The following PXN variants were observed in gnomAD, a reference collection of about 807,000 sequenced individuals.
The protein encoded by PXN is paxillin.
In PXN, 61 loss-of-function variants were observed where a neutral mutation model predicts 103.6. That is an observed-to-expected ratio of 0.59 (90% CI 0.48 to 0.73). PXN has a LOEUF of 0.73. Among genes scored for constraint, PXN ranks in the 30% least tolerant of loss-of-function variants. The probability of loss-of-function intolerance (pLI) is 0.00; values close to 1 mark genes in which losing one functional copy is unlikely to be tolerated. For missense variants in PXN, 1,274 were observed against 1,460.3 expected, an observed-to-expected ratio of 0.87 and a Z score of 2.08; for synonymous variants, 562 against 607.8, an observed-to-expected ratio of 0.92 and a Z score of 1.11.
intron 1 of PXN, among the ~76,000 whole-genome samples, chr12:120,263,836 G>C (rs925798740): frequency 6.6e-6 from 1 of 152,014 alleles, no homozygotes; most frequent in Non-Finnish European, 1.5e-5. Context: ...TCCAGATTTC[G>C]ATGGCGAGCT....
Position 120,219,121 on chromosome 12 carries a change from G to A in PXN, c.1716+86C>T, listed in dbSNP as rs1884217501. The A allele has an allele frequency of 1.5e-6, 2 of 1,327,948 alleles. No individual in the cohort carries two copies. Among genetic ancestry groups the A allele is most frequent in the East Asian group, 5.0e-5 (2 of 39,614 alleles). The allele number at this position is 1,327,948 out of a possible 1,614,324, so 82.3% of individuals were successfully genotyped here. ...CTGCCCAAGCAGACATGCGCAGAGT[G>A]GGAGGCTGCATGCAGTTAGCGAGGA... On this transcript the variant is annotated intron_variant, in intron 7 of 14. Coordinates refer to ENST00000637617, the MANE Select transcript of PXN (RefSeq NM_001385981.1). The surrounding 1 kb of genome is among the most constrained non-coding windows in gnomAD (Gnocchi z 6.5).
Position 120,215,235 on chromosome 12 carries a change from A to C in PXN, c.2442T>G (p.Pro814=). ...GGCTCCCGGGCTTCGGGGGCCCCCC[A>C]GGGGGTGAGCTGCTCCCTGTCTTCC... is the stretch of plus-strand genomic sequence containing the variant. ...AQGKTGSSSP[P]GGPPKPGSQL... The change falls in exon 11 of 15, where the codon CCT becomes CCG. Residue 814 remains proline (P), a synonymous_variant. Transcript: ENST00000637617. This position sits in a 1 kb window ranked among gnomAD's most constrained non-coding sequence, Gnocchi z 4.9. The C allele has an allele frequency of 6.3e-7, 1 of 1,590,606 alleles. No homozygotes were observed. Among genetic ancestry groups the C allele is most frequent in the East Asian group, 2.3e-5 (1 of 43,856 alleles).
In PXN at chr12:120,220,126, G is replaced by A. The variant is rs950253295; in HGVS notation, c.832-35C>T. ...AGAGAAATGCAGAGGGGAGAGGAGA[G>A]AGAGAGATGAGGGGAGTGAGGACGG... On this transcript the variant is annotated intron_variant, in intron 6 of 14. Coordinates refer to ENST00000637617, the MANE Select transcript of PXN (RefSeq NM_001385981.1). The surrounding 1 kb of genome is among the most constrained non-coding windows in gnomAD (Gnocchi z 6.1). The A allele has an allele frequency of 1.2e-6, 1 of 853,276 alleles. No homozygotes were observed. Among genetic ancestry groups the A allele is most frequent in the Non-Finnish European group, 1.8e-6 (1 of 567,152 alleles). 52.9% of individuals were successfully genotyped at this position (853,276 alleles called of 1,614,324 possible).
At position 120,219,413 on chromosome 12, in the gene PXN, G is replaced by A. The variant is rs1395795069; in HGVS notation, c.1510C>T (p.Pro504Ser). 7 of 1,598,220 alleles carry A rather than the reference G, an allele frequency of 4.4e-6. No homozygotes were observed. The Admixed American group carries it at 8.3e-5, about 19-fold the overall frequency. Reference protein sequence around the residue: ...PEPGRLGSSSPASVTTEQLGA... With the variant: ...PEPGRLGSSSSASVTTEQLGA... ...AGCTGCTCCGTGGTAACTGAGGCAG[G>A]GGAGCTGCTTCCCAGCCTCCCTGGC... The change falls in exon 7 of 15, where the codon CCT becomes TCT. Residue 504 changes from proline (P) to serine (S), a missense_variant. By Grantham distance (74) the Pro-to-Ser change is moderately conservative (BLOSUM62 -1). Around this residue, in one of 2 missense-constraint regions of PXN, gnomAD observed 1,178 missense variants for 1,309.0 expected, o/e 0.90. Coordinates refer to ENST00000637617, the MANE Select transcript of PXN (RefSeq NM_001385981.1). The surrounding 1 kb of genome is among the most constrained non-coding windows in gnomAD (Gnocchi z 6.5).
At position 120,229,015 on chromosome 12, in the gene PXN, G is replaced by A. The variant is rs1012811561; in HGVS notation, c.14-4638C>T. 2.0e-5 allele frequency among the ~76,000 whole-genome samples: 3 copies of A among 152,186 alleles called. No individual in the cohort carries two copies. Among genetic ancestry groups the A allele is most frequent in the African/African-American group, 7.2e-5 (3 of 41,434 alleles). On this transcript the variant is annotated intron_variant, in intron 1 of 14. Coordinates refer to ENST00000637617, the MANE Select transcript of PXN (RefSeq NM_001385981.1). The surrounding 1 kb of genome is among the most constrained non-coding windows in gnomAD (Gnocchi z 4.0). The stretch of plus-strand genomic sequence containing the variant: ...GGAGCCGCTGGAGGGTTAAGGTACA[G>A]ACACCCTCAGCCCACTGCTCCGAGG...
chr12:120,225,704 G>T lies in PXN; in HGVS notation c.14-1327C>A, dbSNP rs1378968519. Among the ~76,000 whole-genome samples, 1 of 152,180 alleles carries T rather than the reference G, an allele frequency of 6.6e-6. No homozygotes were observed. The highest frequency in any genetic ancestry group is 6.5e-5 in the Admixed American group (1 of 15,280). On this transcript the variant is annotated intron_variant, in intron 1 of 14. Coordinates refer to ENST00000637617, the MANE Select transcript of PXN (RefSeq NM_001385981.1). The surrounding 1 kb of genome is among the most constrained non-coding windows in gnomAD (Gnocchi z 4.4). ...CTACCAGATGATGCCATACTTAAAG[G>T]GTTCAACTTCCTGAATGTTGGAGGC...
At position 120,241,725 on chromosome 12, in the gene PXN, A is replaced by C. The variant is rs533614015; in HGVS notation, c.14-17348T>G. Among the ~76,000 whole-genome samples, 3 of 152,314 alleles carry C rather than the reference A, an allele frequency of 2.0e-5. No individual in the cohort carries two copies. In the East Asian group the frequency reaches 5.8e-4, roughly 29 times the overall value. ...CCAGACAGAGGGGATGGGAGCTCAG[A>C]GTGCAAGTCCCAGCTTGATGGAAGA... On this transcript the variant is annotated intron_variant, in intron 1 of 14. Transcript: ENST00000637617.
At chr12:120,252,960 C>T (rs770961761) in intron 1 of PXN, among the ~76,000 whole-genome samples, 3 of 144,474 alleles carry the variant, frequency 2.1e-5, no homozygotes, top group South Asian at 2.2e-4. Flanking sequence ...GATCATGCCA[C>T]TGCACTCCAG....
At chr12:120,226,374 CA>C in intron 1 of PXN, 3 of 1,289,246 alleles carry the variant, frequency 2.3e-6, no homozygotes, top group Non-Finnish European at 3.0e-6. Context: ...GCCATCCTCA[CA>C]ACGCCACCAG....
chr12:120,265,479 C>A lies in PXN; in HGVS notation c.13+138G>T. The A allele has an allele frequency of 9.8e-7, 1 of 1,018,394 alleles. No individual in the cohort carries two copies. Among genetic ancestry groups the A allele is most frequent in the Non-Finnish European group, 1.3e-6 (1 of 761,806 alleles). 63.1% of individuals were successfully genotyped at this position (1,018,394 alleles called of 1,614,324 possible). On this transcript the variant is annotated intron_variant, in intron 1 of 14. Coordinates refer to ENST00000637617, the MANE Select transcript of PXN (RefSeq NM_001385981.1). This position sits in a 1 kb window ranked among gnomAD's most constrained non-coding sequence, Gnocchi z 5.7. The stretch of plus-strand genomic sequence containing the variant: ...GGTTAGGGATCCCAGCCCCGCGGAG[C>A]CCCGGCCGGCAGGGACAGGAGCTGA...
In PXN at chr12:120,219,830, ACCTT is replaced by A; in HGVS notation, c.1089_1092del (p.Arg364LeufsTer97). 6.3e-7 allele frequency: 1 copy of A among 1,598,314 alleles called. No individual in the cohort carries two copies. Among genetic ancestry groups the A allele is most frequent in the Non-Finnish European group, 8.5e-7 (1 of 1,179,780 alleles). On this transcript the variant is annotated frameshift_variant, in exon 7 of 15. Coordinates refer to ENST00000637617, the MANE Select transcript of PXN (RefSeq NM_001385981.1). LOFTEE classifies it high-confidence loss of function. This position sits in a 1 kb window ranked among gnomAD's most constrained non-coding sequence, Gnocchi z 6.5. ...CACAGAGAACCCTCCACAGAGGGAG[ACCTT>A]GAGTTGAAGGTGTCAGGCATCACCC...
chr12:120,245,648 T>C (rs1890952701), intron 1 of PXN, among the ~76,000 whole-genome samples: 1 of 150,962 alleles, frequency 6.6e-6, no homozygotes, highest in African/African-American at 2.4e-5. Flanking sequence ...ATTAGCCGGG[T>C]GTTGTGGCGG....
At chr12:120,231,132 G>T (rs746237686) in intron 1 of PXN, among the ~76,000 whole-genome samples, 1 of 152,296 alleles carries the variant, frequency 6.6e-6, no homozygotes, top group Middle Eastern at 3.4e-3. Flanking sequence ...ATGAGTGGGG[G>T]CCCCTCAGCG....
intron 1 of PXN, among the ~76,000 whole-genome samples, chr12:120,237,858 C>T (rs968733172): frequency 6.6e-6 from 1 of 152,184 alleles, no homozygotes; most frequent in African/African-American, 2.4e-5. Context: ...ATCCCATGCA[C>T]AGAAGCTCCA....
At position 120,265,720 on chromosome 12, in the gene PXN, C is replaced by G; in HGVS notation, c.-91G>C. 3.5e-6 allele frequency: 4 copies of G among 1,129,688 alleles called. No individual in the cohort carries two copies. The highest frequency in any genetic ancestry group is 4.4e-6 in the Non-Finnish European group (4 of 916,034). 70.0% of individuals were successfully genotyped at this position (1,129,688 alleles called of 1,614,324 possible). A position where few individuals can be genotyped will look rare whatever the true frequency, so the allele number is the denominator to read the frequency against. On this transcript the variant is annotated 5_prime_UTR_variant, in exon 1 of 15. Transcript: ENST00000637617. This position sits in a 1 kb window ranked among gnomAD's most constrained non-coding sequence, Gnocchi z 5.7. ...CCCGCAACTTTTCCGCCGCGAGCCTCGGCCCGGAACGGAACGCGCCGCCGC... is the reference window on the plus strand; with the variant it reads ...CCCGCAACTTTTCCGCCGCGAGCCTGGGCCCGGAACGGAACGCGCCGCCGC...
Position 120,224,779 on chromosome 12 carries a change from G to A in PXN, c.14-402C>T. 2.1e-6 allele frequency: 1 copy of A among 474,406 alleles called. No homozygotes were observed. Among genetic ancestry groups the A allele is most frequent in the Non-Finnish European group, 4.2e-6 (1 of 239,464 alleles). The allele number at this position is 474,406 out of a possible 1,614,324, so 29.4% of individuals were successfully genotyped here. A position where few individuals can be genotyped will look rare whatever the true frequency, so the allele number is the denominator to read the frequency against. On this transcript the variant is annotated intron_variant, in intron 1 of 14. Transcript: ENST00000637617. The surrounding 1 kb of genome is among the most constrained non-coding windows in gnomAD (Gnocchi z 5.0). Reference sequence around the variant, plus strand: ...CGGGAGGGGCCCCACGTCACAGGGAGGGGCCCTGGCTATGCCAGGCCCTCA... The same window carrying A: ...CGGGAGGGGCCCCACGTCACAGGGAAGGGCCCTGGCTATGCCAGGCCCTCA...
rs1235153821 is a variant in PXN, at chr12:120,265,289, G to A, written c.13+328C>T. On this transcript the variant is annotated intron_variant, in intron 1 of 14. Coordinates refer to ENST00000637617, the MANE Select transcript of PXN (RefSeq NM_001385981.1). This position sits in a 1 kb window ranked among gnomAD's most constrained non-coding sequence, Gnocchi z 5.7. ...GTCTGCCGCAGGAAGTCTCGTCCCT[G>A]CAGCGGACGGGGTGGGTCCCTGAGG... 6.6e-6 allele frequency among the ~76,000 whole-genome samples: 1 copy of A among 152,062 alleles called. No homozygotes were observed. Among genetic ancestry groups the A allele is most frequent in the East Asian group, 1.9e-4 (1 of 5,160 alleles).
In PXN at chr12:120,244,509, G is replaced by A. The variant is rs1014361162; in HGVS notation, c.14-20132C>T. ...AAAATACAAAAAAAATTAGCCAGGC[G>A]TGGTGGCGGGCGCCTGTAGTCCCAG... On this transcript the variant is annotated intron_variant, in intron 1 of 14. Transcript: ENST00000637617. 5.9e-5 allele frequency among the ~76,000 whole-genome samples: 9 copies of A among 152,198 alleles called. No individual in the cohort carries two copies. In the East Asian group the frequency reaches 9.7e-4, roughly 16 times the overall value.
intron 1 of PXN, among the ~76,000 whole-genome samples, chr12:120,251,675 G>A (rs539116341): frequency 5.2e-4 from 78 of 150,936 alleles, no homozygotes; most frequent in African/African-American, 1.8e-3. Flanking sequence ...AAATTAGCTG[G>A]GCGTGGTCGT....
Sources: allele counts gnomAD v4.1 joint callset (sites outside exome capture counted in the v4.1 genomes callset), GRCh38; gene constraint gnomAD v4.1.1; regional missense constraint gnomAD v4.1.1; non-coding constraint Gnocchi (gnomAD v3.1); transcripts MANE v1.5; gene names NCBI Gene and HGNC (gene_info 2026-07-23, HGNC 2026-07-21).